BNC2: variants seen among roughly 807,000 people sequenced by gnomAD.
The protein encoded by BNC2 is basonuclin zinc finger protein 2.
Under a neutral mutation model 76.3 loss-of-function variants are expected in BNC2, and 20 were observed. That is an observed-to-expected ratio of 0.26 (90% CI 0.18 to 0.38). The LOEUF is 0.38. BNC2 is among the 10% of genes least tolerant of loss of function. The probability of loss-of-function intolerance (pLI) is 1.00; values close to 1 mark genes in which losing one functional copy is unlikely to be tolerated. For missense variants in BNC2, 1,382 were observed against 1,399.8 expected, an observed-to-expected ratio of 0.99 and a Z score of 0.20; for synonymous variants, 582 against 514.8, an observed-to-expected ratio of 1.13 and a Z score of -1.77.
intron 6 of BNC2, among the ~76,000 whole-genome samples, chr9:16,431,719 G>C (rs1820911396): frequency 6.6e-6 from 1 of 152,172 alleles, no homozygotes; most frequent in African/African-American, 2.4e-5. Context: ...CCACTTTCAT[G>C]GAAGACAATT....
intron 3 of BNC2, among the ~76,000 whole-genome samples, chr9:16,711,277 G>T (rs73417998): frequency 0.047 from 7,178 of 152,200 alleles, 490 homozygotes; most frequent in African/African-American, 0.16. Flanking sequence ...GGTGGGGAAG[G>T]GGGGGCGGTT....
At chr9:16,860,949 G>C (rs1021586563) in intron 1 of BNC2, among the ~76,000 whole-genome samples, 1 of 151,768 alleles carries the variant, frequency 6.6e-6, no homozygotes, top group African/African-American at 2.4e-5. Flanking sequence ...GGGACGCTGA[G>C]GCAGGACAAT....
intron 3 of BNC2, among the ~76,000 whole-genome samples, chr9:16,656,640 T>G (rs1005600288): frequency 7.2e-5 from 11 of 152,322 alleles, no homozygotes; most frequent in Admixed American, 2.0e-4. Flanking sequence ...CTCCAAAAGC[T>G]TCCATGTGGA....
chr9:16,460,292 A>C (rs748939022), intron 5 of BNC2, among the ~76,000 whole-genome samples: 38 of 152,022 alleles, frequency 2.5e-4, no homozygotes, highest in Non-Finnish European at 2.6e-4. Context: ...CTTGGAAATA[A>C]GTGGAGGTAA....
intron 4 of BNC2, among the ~76,000 whole-genome samples, chr9:16,567,017 T>C (rs1365690182): frequency 6.6e-6 from 1 of 152,216 alleles, no homozygotes; most frequent in Non-Finnish European, 1.5e-5. Flanking sequence ...TTTACTTGGA[T>C]TTCCTAAAAT....
chr9:16,865,923 T>C (rs946677920), intron 1 of BNC2, among the ~76,000 whole-genome samples: 1 of 152,126 alleles, frequency 6.6e-6, no homozygotes, highest in Non-Finnish European at 1.5e-5. Context: ...ATAGCTGAAC[T>C]CTTGAGTGTA....
intron 1 of BNC2, among the ~76,000 whole-genome samples, chr9:16,759,313 T>G (rs10810614): frequency 0.17 from 25,966 of 152,162 alleles, 3,486 homozygotes; most frequent in African/African-American, 0.36. Flanking sequence ...CAAATTAATT[T>G]TGTTTTATTC....
chr9:16,749,188 T>C (rs1825105721), intron 1 of BNC2, among the ~76,000 whole-genome samples: 1 of 152,016 alleles, frequency 6.6e-6, no homozygotes, highest in Non-Finnish European at 1.5e-5. Context: ...TGATTTCACA[T>C]CATTTACAGT....
rs562201146 is a variant in BNC2, at chr9:16,417,035, T to C, written c.*1954A>G. On this transcript the variant is annotated 3_prime_UTR_variant, in exon 7 of 7. Transcript: ENST00000380672. ...CTAACTTTTAGACTGATGAAAGAAA[T>C]GTCTGAGGCCATTAAATGCAAAAAA... 11 of 152,568 alleles carry C rather than the reference T, an allele frequency of 7.2e-5. No individual in the cohort carries two copies. The highest frequency in any genetic ancestry group is 6.2e-4 in the South Asian group (3 of 4,822). 9.5% of individuals were successfully genotyped at this position (152,568 alleles called of 1,614,324 possible). A position where few individuals can be genotyped will look rare whatever the true frequency, so the allele number is the denominator to read the frequency against.
At chr9:16,664,778 T>C (rs1419311244) in intron 3 of BNC2, among the ~76,000 whole-genome samples, 2 of 152,002 alleles carry the variant, frequency 1.3e-5, no homozygotes, top group Non-Finnish European at 2.9e-5. Flanking sequence ...GAAGGTTTTG[T>C]TGTCCTCAGC....
chr9:16,436,891 C>G lies in BNC2; in HGVS notation c.1303G>C (p.Ala435Pro). Residue 435 changes from alanine to proline, a missense_variant, in exon 6 of 7, where the codon GCC becomes CCC. By Grantham distance (27) the Ala-to-Pro change is conservative. Around this residue, in one of 3 missense-constraint regions of BNC2, gnomAD observed 557 missense variants for 540.9 expected, o/e 1.03. Transcript: ENST00000380672. The stretch of plus-strand genomic sequence containing the variant: ...CAGAACACTCTTCCTTTCCTAGAGG[C>G]TGACCCCATCCTTCTCATCCGATGA... ...RIHRMRRMGS[A>P]SRKGRVFCNA... is the part of the protein sequence containing the mutation. 1 of 1,614,100 alleles carries G rather than the reference C, an allele frequency of 6.2e-7. No individual in the cohort carries two copies. The highest frequency in any genetic ancestry group is 8.5e-7 in the Non-Finnish European group (1 of 1,180,034).
chr9:16,511,974 T>C (rs150905660), intron 5 of BNC2, among the ~76,000 whole-genome samples: 3 of 152,330 alleles, frequency 2.0e-5, no homozygotes, highest in East Asian at 3.9e-4. Flanking sequence ...ATACTTATAA[T>C]ACTAATGCAA....
At chr9:16,762,853 T>C (rs1248851546) in intron 1 of BNC2, among the ~76,000 whole-genome samples, 1 of 152,202 alleles carries the variant, frequency 6.6e-6, no homozygotes, top group African/African-American at 2.4e-5. Flanking sequence ...TGAAGAGGCC[T>C]TGCATCTAGT....
chr9:16,631,803 A>G (rs929273823), intron 3 of BNC2, among the ~76,000 whole-genome samples: 2 of 152,234 alleles, frequency 1.3e-5, no homozygotes, highest in Non-Finnish European at 2.9e-5. Context: ...GAGAAACAGA[A>G]GAAGGCACCA....
At chr9:16,705,835 A>C (rs1823652699) in intron 3 of BNC2, among the ~76,000 whole-genome samples, 1 of 152,228 alleles carries the variant, frequency 6.6e-6, no homozygotes, top group South Asian at 2.1e-4. Flanking sequence ...CCCAGAAACA[A>C]TTCCTATTTC....
chr9:16,481,864 T>C (rs1822064570), intron 5 of BNC2, among the ~76,000 whole-genome samples: 1 of 152,216 alleles, frequency 6.6e-6, no homozygotes, highest in Non-Finnish European at 1.5e-5. Flanking sequence ...ATGTGTGATC[T>C]TAGACAAGAT....
chr9:16,751,686 A>G (rs13290050), intron 1 of BNC2, among the ~76,000 whole-genome samples: 1 of 37,408 alleles, frequency 2.7e-5, no homozygotes, highest in African/African-American at 5.6e-5. Context: ...ATATATATGT[A>G]TGTGTGTATA....
intron 1 of BNC2, among the ~76,000 whole-genome samples, chr9:16,768,607 G>C (rs1825756022): frequency 6.6e-6 from 1 of 152,100 alleles, no homozygotes; most frequent in Admixed American, 6.6e-5. Context: ...CCAGAGAAGA[G>C]AATGAGGGGG....
intron 3 of BNC2, among the ~76,000 whole-genome samples, chr9:16,686,015 T>C (rs1822967802): frequency 6.6e-6 from 1 of 152,156 alleles, no homozygotes; most frequent in Admixed American, 6.5e-5. Flanking sequence ...TTTTTTCTTT[T>C]CCTCTTTCCT....
Sources: gnomAD v4.1 joint callset for allele counts (sites outside exome capture counted in the v4.1 genomes callset) on GRCh38, gnomAD v4.1.1 for gene constraint, gnomAD v4.1.1 regional missense constraint, MANE v1.5 for transcripts, NCBI Gene and HGNC (gene_info 2026-07-23, HGNC 2026-07-21) for gene names.